The following AUTS2 variants were observed in gnomAD, a reference collection of about 807,000 sequenced individuals.
AUTS2 encodes autism susceptibility gene 2 protein.
AUTS2 carries 17 observed loss-of-function variants against 112.4 expected under a neutral mutation model. The ratio of observed to expected loss-of-function variants is 0.15; its 90% CI spans 0.10 to 0.23. AUTS2 has a LOEUF of 0.23. Among genes scored for constraint, AUTS2 ranks in the 10% least tolerant of loss-of-function variants. The probability of loss-of-function intolerance (pLI) is 1.00; values close to 1 mark genes in which losing one functional copy is unlikely to be tolerated. For synonymous variants in AUTS2, 751 were observed against 702.7 expected, an observed-to-expected ratio of 1.07 and a Z score of -1.09; for missense variants, 1,510 against 1,701.6, an observed-to-expected ratio of 0.89 and a Z score of 1.98.
chr7:69,718,365 T>C (rs1798731002), intron 1 of AUTS2, among the ~76,000 whole-genome samples: 1 of 152,174 alleles, frequency 6.6e-6, no homozygotes, highest in Non-Finnish European at 1.5e-5. Flanking sequence ...TGGGCTAAAA[T>C]CGAGGTGTCA....
At position 70,790,245 on chromosome 7, in the gene AUTS2, C is replaced by T. The variant is rs375599992; in HGVS notation, c.3029C>T (p.Ser1010Phe). The change falls in exon 19 of 19, where the codon TCC (serine) becomes TTC (phenylalanine). Residue 1010 changes from serine (S) to phenylalanine (F), a missense_variant. Transcript: ENST00000342771. The surrounding 1 kb of genome is among the most constrained non-coding windows in gnomAD (Gnocchi z 7.6). ...GCCTCGGAGCCGCCGCCTCCCAACTCCTCGTCCAGCGTGCACCCGGGGCCC... is the reference window on the plus strand; with the variant it reads ...GCCTCGGAGCCGCCGCCTCCCAACTTCTCGTCCAGCGTGCACCCGGGGCCC... ...HRASEPPPPN[S>F]SSSVHPGPLA... 1 of 1,612,914 alleles carries T rather than the reference C, an allele frequency of 6.2e-7. No individual in the cohort carries two copies. The highest frequency in any genetic ancestry group is 1.1e-5 in the South Asian group (1 of 91,010).
intron 1 of AUTS2, among the ~76,000 whole-genome samples, chr7:69,807,795 TG>T (rs1790371068): frequency 6.6e-6 from 1 of 152,188 alleles, no homozygotes; most frequent in Admixed American, 6.5e-5. Context: ...ACATGACAGC[TG>T]GTTTTACCAG....
intron 4 of AUTS2, among the ~76,000 whole-genome samples, chr7:70,224,066 A>G (rs1404106092): frequency 1.3e-5 from 2 of 152,106 alleles, no homozygotes; most frequent in East Asian, 1.9e-4. Context: ...TGTAATCCCA[A>G]CATTTTAAGA....
chr7:69,988,444 C>G (rs1278483059), intron 2 of AUTS2, among the ~76,000 whole-genome samples: 1 of 152,282 alleles, frequency 6.6e-6, no homozygotes. Context: ...GGTGCTCTTA[C>G]ATATATCTGC....
At chr7:69,698,775 A>G (rs627981) in intron 1 of AUTS2, among the ~76,000 whole-genome samples, 93,431 of 151,964 alleles carry the variant, frequency 0.61, 29,026 homozygotes, top group East Asian at 0.71. Context: ...TTTGGGTTCA[A>G]ATTTACTCAC....
intron 4 of AUTS2, among the ~76,000 whole-genome samples, chr7:70,355,649 A>G (rs1260661624): frequency 6.6e-6 from 1 of 152,110 alleles, no homozygotes; most frequent in Non-Finnish European, 1.5e-5. Context: ...TTTCCCTGCC[A>G]GTGAGAGCAG....
chr7:70,304,195 C>G (rs975447790), intron 4 of AUTS2, among the ~76,000 whole-genome samples: 1 of 152,172 alleles, frequency 6.6e-6, no homozygotes, highest in Admixed American at 6.5e-5. Flanking sequence ...TTGTCTCACT[C>G]CTTTAGCCAA....
chr7:70,629,222 G>C (rs936260831), intron 5 of AUTS2, among the ~76,000 whole-genome samples: 1 of 152,178 alleles, frequency 6.6e-6, no homozygotes, highest in Non-Finnish European at 1.5e-5. Flanking sequence ...TGTAAGCCTA[G>C]CATTTTGGGA....
intron 6 of AUTS2, among the ~76,000 whole-genome samples, chr7:70,728,707 CAAAAAAA>C (rs55878540): frequency 0.011 from 938 of 81,630 alleles, 6 homozygotes; most frequent in Non-Finnish European, 0.018. Context: ...GACTCTGTCT[CAAAAAAA>C]AAAAAAAAAA....
chr7:69,630,440 C>CTAATTT (rs1350161073), intron 1 of AUTS2, among the ~76,000 whole-genome samples: 1 of 152,156 alleles, frequency 6.6e-6, no homozygotes, highest in East Asian at 1.9e-4. Context: ...GGCAGCCGTG[C>CTAATTT]TAACCATCTT....
chr7:70,381,784 G>A (rs1448478784), intron 4 of AUTS2, among the ~76,000 whole-genome samples: 2 of 152,038 alleles, frequency 1.3e-5, no homozygotes, highest in African/African-American at 4.8e-5. Flanking sequence ...ACTTCCTCCT[G>A]CTCCTACCTG....
chr7:69,984,925 A>T (rs1798443668), intron 2 of AUTS2, among the ~76,000 whole-genome samples: 1 of 152,208 alleles, frequency 6.6e-6, no homozygotes, highest in Non-Finnish European at 1.5e-5. Flanking sequence ...TCTGGGGGTG[A>T]TTTAGAATAA....
chr7:70,359,335 A>C (rs1792152292), intron 4 of AUTS2, among the ~76,000 whole-genome samples: 4 of 152,204 alleles, frequency 2.6e-5, no homozygotes, highest in Admixed American at 2.0e-4. Flanking sequence ...CTCTCCCTTC[A>C]AATTTGAATA....
chr7:70,423,053 G>A (rs1382501153), intron 4 of AUTS2, among the ~76,000 whole-genome samples: 1 of 152,156 alleles, frequency 6.6e-6, no homozygotes, highest in African/African-American at 2.4e-5. Context: ...AGTGTTGGAG[G>A]TGCTAGAAAC....
At chr7:70,301,549 GAGGTTCTA>G (rs1257721135) in intron 4 of AUTS2, among the ~76,000 whole-genome samples, 1 of 152,224 alleles carries the variant, frequency 6.6e-6, no homozygotes, top group Middle Eastern at 3.4e-3. Context: ...CAACATTTGT[GAGGTTCTA>G]AAGAGGGGAT....
At chr7:70,646,789 C>G (rs1006665909) in intron 5 of AUTS2, among the ~76,000 whole-genome samples, 1 of 152,232 alleles carries the variant, frequency 6.6e-6, no homozygotes, top group African/African-American at 2.4e-5. Flanking sequence ...TGCGAGGGCC[C>G]TGGCTCAGGG....
At chr7:69,683,753 AAAC>A (rs1796927443) in intron 1 of AUTS2, among the ~76,000 whole-genome samples, 1 of 151,862 alleles carries the variant, frequency 6.6e-6, no homozygotes, top group Non-Finnish European at 1.5e-5. Context: ...AAAAACCAAA[AAAC>A]AAAAATTGGT....
intron 2 of AUTS2, among the ~76,000 whole-genome samples, chr7:70,083,426 T>G (rs2129565437): frequency 6.6e-6 from 1 of 152,256 alleles, no homozygotes; most frequent in South Asian, 2.1e-4. Flanking sequence ...AAATTTGTCT[T>G]TAAAAAATTG....
chr7:70,771,163 C>CT (rs1411086152), intron 10 of AUTS2: 1 of 154,876 alleles, frequency 6.5e-6, no homozygotes, highest in African/African-American at 2.4e-5. Context: ...TTTTTTCTGT[C>CT]TTTTTCCCCC....
Sources: gnomAD v4.1 joint callset for allele counts (sites outside exome capture counted in the v4.1 genomes callset) on GRCh38, gnomAD v4.1.1 for gene constraint, Gnocchi (gnomAD v3.1) non-coding constraint, MANE v1.5 for transcripts, NCBI Gene and HGNC (gene_info 2026-07-23, HGNC 2026-07-21) for gene names.